The following MCM8 variants were observed in gnomAD, a reference collection of about 807,000 sequenced individuals.
The protein encoded by MCM8 is DNA helicase MCM8.
A neutral mutation model predicts 98.9 loss-of-function variants in MCM8; 85 were observed. The observed-to-expected ratio is 0.86, with a 90% CI of 0.72 to 1.03. The LOEUF is 1.03. Ranked by LOEUF, MCM8 falls within the 50% of genes least tolerant of loss-of-function variation. The pLI is 0.00. For missense variants in MCM8, 951 were observed against 997.8 expected (o/e 0.95, Z 0.63); for synonymous variants, 352 against 338.6 (o/e 1.04, Z -0.44).
chr20:5,971,054 T>G (rs2089391410), intron 10 of MCM8, among the ~76,000 whole-genome samples: 1 of 152,132 alleles, frequency 6.6e-6, no homozygotes, highest in Non-Finnish European at 1.5e-5. Flanking sequence ...GCTGAAGCAG[T>G]TCTTCCACCT....
intron 18 of MCM8, 155 bp downstream of exon 18, chr20:5,993,850 A>C (rs2122853498): frequency 1.8e-6 from 1 of 568,932 alleles, no homozygotes; most frequent in African/African-American, 1.9e-5. Context: ...CATTGTAGTA[A>C]GACAGTCTCT....
Position 5,967,496 on chromosome 20 carries a change from A to T in MCM8, c.936A>T (p.Glu312Asp), listed in dbSNP as rs762684147. 6.2e-7 allele frequency: 1 copy of T among 1,614,106 alleles called. No homozygotes were observed. Among genetic ancestry groups the T allele is most frequent in the Non-Finnish European group, 8.5e-7 (1 of 1,179,960 alleles). ...CAGGTCGGATTCCACGAACAATAGA[A>T]TGTGAGCTTGTTCATGATCTTGTGG... ...REAGRIPRTI[E>D]CELVHDLVDS... Residue 312 changes from glutamate (E) to aspartate (D), a missense_variant, in exon 9 of 19, where the codon GAA becomes GAT. By Grantham distance (45) the Glu-to-Asp change is conservative. Transcript: ENST00000610722.
At chr20:5,959,452 G>A (rs1425732771) in intron 7 of MCM8, among the ~76,000 whole-genome samples, 1 of 152,244 alleles carries the variant, frequency 6.6e-6, no homozygotes, top group East Asian at 1.9e-4. Context: ...TATCCTGAAT[G>A]TAACACGCAG....
intron 8 of MCM8, among the ~76,000 whole-genome samples, chr20:5,963,772 G>A (rs574075664): frequency 1.1e-4 from 16 of 152,042 alleles, no homozygotes; most frequent in Non-Finnish European, 2.1e-4. Flanking sequence ...TCCTGACCTC[G>A]TGATCTGCCC....
chr20:5,955,786 A>G (rs1724020664), intron 5 of MCM8, among the ~76,000 whole-genome samples: 1 of 151,872 alleles, frequency 6.6e-6, no homozygotes, highest in African/African-American at 2.4e-5. Flanking sequence ...TTTATTTTTT[A>G]TTTATTTTTT....
Position 5,994,478 on chromosome 20 carries a change from GACACACACAC to G in MCM8, c.*123_*132del, listed in dbSNP as rs11472210. 0.022 allele frequency: 8,548 copies of G among 384,320 alleles called. 156 individuals carry two copies. Among genetic ancestry groups the G allele is most frequent in the East Asian group, 0.14 (3,347 of 23,096 alleles). 23.8% of individuals were successfully genotyped at this position (384,320 alleles called of 1,614,324 possible). On this transcript the variant is annotated 3_prime_UTR_variant, in exon 19 of 19. Coordinates refer to ENST00000610722, the MANE Select transcript of MCM8 (RefSeq NM_032485.6). ...ATATGCGTGCACGCACAGACAGACA[GACACACACAC>G]ACACACACACACACACACACACACA...
chr20:5,953,902 G>A lies in MCM8; in HGVS notation c.254-706G>A, dbSNP rs1158769486. On this transcript the variant is annotated intron_variant, in intron 3 of 18. Coordinates refer to ENST00000610722, the MANE Select transcript of MCM8 (RefSeq NM_032485.6). ...CAAATGTTTTCTTTATTGGAAATCT[G>A]TTCGTTTTTTTCCATCAATAGAATC... 2.6e-5 allele frequency among the ~76,000 whole-genome samples: 4 copies of A among 152,014 alleles called. 1 individual carries two copies. The highest frequency in any genetic ancestry group is 6.4e-3 in the Middle Eastern group (2 of 314).
intron 10 of MCM8, among the ~76,000 whole-genome samples, chr20:5,969,866 T>C (rs2089364858): frequency 6.6e-6 from 1 of 152,172 alleles, no homozygotes; most frequent in Non-Finnish European, 1.5e-5. Flanking sequence ...GGAAGCAACC[T>C]GGTCGACAAT....
At chr20:5,994,199 G>T (rs2089910423) in intron 18 of MCM8, 100 bp from the exon 19 acceptor site, 1 of 641,092 alleles carries the variant, frequency 1.6e-6, no homozygotes, top group South Asian at 3.3e-5. Context: ...ATTTGGCCAA[G>T]AAACTTTACA....
chr20:5,955,851 T>C (rs1362146361), intron 5 of MCM8, among the ~76,000 whole-genome samples: 1 of 152,186 alleles, frequency 6.6e-6, no homozygotes, highest in East Asian at 1.9e-4. Flanking sequence ...TGATCTCCGC[T>C]CACTGCAACC....
chr20:5,955,289 T>C, intron 5 of MCM8, 38 bp downstream of exon 5: 1 of 1,592,434 alleles, frequency 6.3e-7, no homozygotes. Flanking sequence ...GTCTAAACTT[T>C]TTTAATGTTT....
intron 9 of MCM8, 111 bp from the exon 10 acceptor site, chr20:5,967,719 T>C (rs1346891917): frequency 1.5e-6 from 2 of 1,367,544 alleles, no homozygotes. Flanking sequence ...ACATTCCCTT[T>C]TAAAAAAACA....
rs779638325 is a variant in MCM8, at chr20:5,996,925, C to T, written c.*2534C>T. ...TCCTGCCCAATAGTGGGTGTCCCCA[C>T]ACCTTTCAACCACTGTAGCAACAAA... On this transcript the variant is annotated 3_prime_UTR_variant, in exon 19 of 19. Transcript: ENST00000610722. 1 of 152,284 alleles carries T rather than the reference C, an allele frequency of 6.6e-6. No individual in the cohort carries two copies. Among genetic ancestry groups the T allele is most frequent in the Admixed American group, 6.5e-5 (1 of 15,282 alleles). 9.4% of individuals were successfully genotyped at this position (152,284 alleles called of 1,614,324 possible). A position where few individuals can be genotyped will look rare whatever the true frequency, so the allele number is the denominator to read the frequency against.
At chr20:5,969,128 G>A (rs1326327003) in intron 10 of MCM8, among the ~76,000 whole-genome samples, 3 of 152,124 alleles carry the variant, frequency 2.0e-5, no homozygotes, top group Non-Finnish European at 4.4e-5. Context: ...GATTAAGTGG[G>A]ATTTTATAAT....
intron 1 of MCM8, among the ~76,000 whole-genome samples, chr20:5,951,617 A>C (rs2088826348): frequency 6.6e-6 from 1 of 152,196 alleles, no homozygotes; most frequent in Non-Finnish European, 1.5e-5. Context: ...CACAGGCCAG[A>C]ATTATGTTCA....
chr20:5,966,987 A>G (rs1481832979), intron 8 of MCM8, among the ~76,000 whole-genome samples: 1 of 152,124 alleles, frequency 6.6e-6, no homozygotes, highest in African/African-American at 2.4e-5. Context: ...TCTTCCAGCC[A>G]TCTACTCCTG....
intron 12 of MCM8, among the ~76,000 whole-genome samples, chr20:5,977,599 TGACCACA>T (rs2089539000): frequency 6.6e-6 from 1 of 152,260 alleles, no homozygotes; most frequent in South Asian, 2.1e-4. Flanking sequence ...AGTATTTATA[TGACCACA>T]GACTTCAGAA....
intron 8 of MCM8, among the ~76,000 whole-genome samples, 166 bp downstream of exon 8, chr20:5,963,525 C>CTTTTTTT (rs34718923): frequency 9.1e-6 from 1 of 110,468 alleles, no homozygotes; most frequent in Non-Finnish European, 1.8e-5. Flanking sequence ...TAAAATAATT[C>CTTTTTTT]TTTTTTTTTT....
chr20:5,987,358 G>C lies in MCM8; in HGVS notation c.2240G>C (p.Ser747Thr). Residue 747 changes from serine (S) to threonine (T), a missense_variant and splice_region_variant, in exon 17 of 19, where the codon AGC becomes ACC. Ser to Thr is a moderately conservative substitution (Grantham distance 58). Transcript: ENST00000610722. ...GATATAGTGGAAATTATGAAATATA[G>C]GTAAGATAAAAATTTCAAATTGTTT... is the stretch of plus-strand genomic sequence containing the variant. ...AEDIVEIMKY[S>T]MLGTYSDEFG... 6.2e-7 allele frequency: 1 copy of C among 1,604,202 alleles called. No homozygotes were observed. The highest frequency in any genetic ancestry group is 1.3e-5 in the African/African-American group (1 of 74,394).
Sources: gnomAD v4.1 joint callset for allele counts (sites outside exome capture counted in the v4.1 genomes callset) on GRCh38, gnomAD v4.1.1 for gene constraint, MANE v1.5 for transcripts, NCBI Gene and HGNC (gene_info 2026-07-23, HGNC 2026-07-21) for gene names.